TCF3: variants seen among roughly 807,000 people sequenced by gnomAD.
The protein encoded by TCF3 is transcription factor 3.
In TCF3, 54 loss-of-function variants were observed where a neutral mutation model predicts 72.3. The observed-to-expected ratio is 0.75, with a 90% CI of 0.60 to 0.94. The LOEUF (loss-of-function observed/expected upper bound fraction) is 0.94, where lower values mean the gene tolerates loss of function less well. Among genes scored for constraint, TCF3 ranks in the 40% least tolerant of loss-of-function variants. TCF3 has a pLI of 0.00. For missense variants in TCF3, 1,078 were observed against 934.4 expected, an observed-to-expected ratio of 1.15 and a Z score of -2.00; for synonymous variants, 525 against 412.6, an observed-to-expected ratio of 1.27 and a Z score of -3.30.
chr19:1,633,550 C>T (rs1057222528), intron 3 of TCF3, among the ~76,000 whole-genome samples: 2 of 152,324 alleles, frequency 1.3e-5, no homozygotes, highest in East Asian at 1.9e-4. Flanking sequence ...TCATTCCCCC[C>T]GGGGAGTATT....
chr19:1,612,388 G>C (rs1367568242), intron 18 of TCF3: 1 of 1,613,852 alleles, frequency 6.2e-7, no homozygotes, highest in South Asian at 1.1e-5. Context: ...GCCTCTCCCG[G>C]TCCCTCAGGT....
At chr19:1,647,263 A>G (rs1164845615) in intron 2 of TCF3, among the ~76,000 whole-genome samples, 1 of 152,148 alleles carries the variant, frequency 6.6e-6, no homozygotes, top group Non-Finnish European at 1.5e-5. Flanking sequence ...CTTTTGCCAC[A>G]GAAAAAAACA....
chr19:1,615,532 G>C lies in TCF3; in HGVS notation c.1587-12C>G. On this transcript the variant is annotated splice_polypyrimidine_tract_variant and intron_variant, in intron 17 of 18. Transcript: ENST00000262965. This position sits in a 1 kb window ranked among gnomAD's most constrained non-coding sequence, Gnocchi z 7.3. The stretch of plus-strand genomic sequence containing the variant: ...CGTCCTCGTCTGGGCTATGGGGAGG[G>C]CGCCGGGAGGGGGCCAGAGGGAGAC... 1 of 1,605,896 alleles carries C rather than the reference G, an allele frequency of 6.2e-7. No individual in the cohort carries two copies. The highest frequency in any genetic ancestry group is 8.5e-7 in the Non-Finnish European group (1 of 1,179,780).
intron 5 of TCF3, among the ~76,000 whole-genome samples, chr19:1,630,397 C>T (rs1435716089): frequency 6.6e-6 from 1 of 152,206 alleles, no homozygotes; most frequent in East Asian, 1.9e-4. Context: ...TACTGTACTC[C>T]AAGTTCGAGG....
intron 3 of TCF3, among the ~76,000 whole-genome samples, chr19:1,644,158 C>T (rs77057902): frequency 0.026 from 3,966 of 152,336 alleles, 167 homozygotes; most frequent in African/African-American, 0.091. Flanking sequence ...CTCCTGGGCC[C>T]TGCCGGGATC....
intron 6 of TCF3, among the ~76,000 whole-genome samples, chr19:1,626,209 G>C (rs1293541313): frequency 1.3e-5 from 2 of 152,130 alleles, no homozygotes; most frequent in Non-Finnish European, 2.9e-5. Flanking sequence ...CCAGTACTTT[G>C]GGAGGCTGAG....
chr19:1,619,938 A>T, intron 13 of TCF3, 85 bp from the exon 14 acceptor site: 3 of 1,184,644 alleles, frequency 2.5e-6, no homozygotes, highest in Non-Finnish European at 2.4e-6. Flanking sequence ...TTCATGAACC[A>T]CCCCGCCTGT....
intron 18 of TCF3, among the ~76,000 whole-genome samples, chr19:1,612,909 G>A (rs2061176525): frequency 6.7e-6 from 1 of 149,816 alleles, no homozygotes; most frequent in African/African-American, 2.5e-5. Flanking sequence ...CAGCAGTGGG[G>A]GTACACGGCT....
intron 3 of TCF3, among the ~76,000 whole-genome samples, chr19:1,638,613 C>T (rs1310036987): frequency 6.6e-6 from 1 of 152,216 alleles, no homozygotes; most frequent in Non-Finnish European, 1.5e-5. Context: ...TCAATTTTCA[C>T]CTTCTCACAG....
In TCF3 at chr19:1,632,359, C is replaced by T. The variant is rs751149474; in HGVS notation, c.192G>A (p.Gln64=). 23 of 1,592,450 alleles carry T rather than the reference C, an allele frequency of 1.4e-5. No individual in the cohort carries two copies. The Middle Eastern group carries it at 2.8e-3, about 195-fold the overall frequency. Residue 64 remains glutamine, a synonymous_variant, in exon 4 of 19, where the codon CAG becomes CAA. Coordinates refer to ENST00000262965, the MANE Select transcript of TCF3 (RefSeq NM_003200.5). ...PSSGSWGSGD[Q]SSSSFDPSRT... ...GGCTGGGGTCAAAGGAGGAGCTGCT[C>T]TGGTCGCCGCTGCCCCAGGAGCCTG...
intron 2 of TCF3, among the ~76,000 whole-genome samples, chr19:1,648,938 C>G (rs1057311570): frequency 6.6e-6 from 1 of 152,122 alleles, no homozygotes; most frequent in Non-Finnish European, 1.5e-5. Context: ...GCAGGCAAAC[C>G]GAGGCCCCGG....
chr19:1,616,799 A>C (rs2145901204), intron 16 of TCF3, among the ~76,000 whole-genome samples: 1 of 152,274 alleles, frequency 6.6e-6, no homozygotes, highest in Non-Finnish European at 1.5e-5. Context: ...AAAAAACAAA[A>C]ATCAGTAAGC....
rs1159863035 is a variant in TCF3, at chr19:1,611,175, A to G, written c.*532T>C. On this transcript the variant is annotated 3_prime_UTR_variant, in exon 19 of 19. Transcript: ENST00000262965. ...ACATTAAGAAAAAAAAAATCTTGTA[A>G]CTAATGTTTTTATTTTCCTTAAAAA... The G allele has an allele frequency of 4.1e-6, 1 of 245,980 alleles. No homozygotes were observed. Among genetic ancestry groups the G allele is most frequent in the Non-Finnish European group, 7.8e-6 (1 of 127,516 alleles). 15.2% of individuals were successfully genotyped at this position (245,980 alleles called of 1,614,324 possible).
chr19:1,625,748 T>C, intron 6 of TCF3, 40 bp from the exon 7 acceptor site: 1 of 1,465,260 alleles, frequency 6.8e-7, no homozygotes, highest in Non-Finnish European at 9.0e-7. Flanking sequence ...CCAGCTGGCA[T>C]CCAGACCCCA....
intron 1 of TCF3, among the ~76,000 whole-genome samples, chr19:1,651,827 C>T (rs931139955): frequency 6.7e-6 from 1 of 149,154 alleles, no homozygotes; most frequent in African/African-American, 2.5e-5. Flanking sequence ...CGGCCCCGAC[C>T]AGCGCCTGCA....
intron 16 of TCF3, 80 bp downstream of exon 16, chr19:1,619,031 A>G (rs2061856398): frequency 3.8e-6 from 6 of 1,588,202 alleles, no homozygotes; most frequent in Non-Finnish European, 5.1e-6. Context: ...CTGGGCTCCC[A>G]CCCTGACCCC....
chr19:1,635,419 T>A (rs1426182671), intron 3 of TCF3, among the ~76,000 whole-genome samples: 2 of 151,834 alleles, frequency 1.3e-5, no homozygotes, highest in African/African-American at 4.8e-5. Context: ...CTCTCATGGC[T>A]CCCCACCGTC....
chr19:1,637,182 C>A (rs1018093304), intron 3 of TCF3, among the ~76,000 whole-genome samples: 1 of 151,898 alleles, frequency 6.6e-6, no homozygotes, highest in Non-Finnish European at 1.5e-5. Context: ...ACAAGCTCCT[C>A]CCCCAGAACC....
chr19:1,619,577 C>G, intron 14 of TCF3, 103 bp from the exon 15 acceptor site: 1 of 1,452,304 alleles, frequency 6.9e-7, no homozygotes, highest in Non-Finnish European at 9.1e-7. Context: ...TCCCATCTTC[C>G]CCTTCCCCAG....
Sources: allele counts gnomAD v4.1 joint callset (sites outside exome capture counted in the v4.1 genomes callset), GRCh38; gene constraint gnomAD v4.1.1; non-coding constraint Gnocchi (gnomAD v3.1); transcripts MANE v1.5; gene names NCBI Gene and HGNC (gene_info 2026-07-23, HGNC 2026-07-21).